IGFL2: variants seen among roughly 807,000 people sequenced by gnomAD.
The protein encoded by IGFL2 is insulin growth factor-like family member 2.
IGFL2 carries 7 observed loss-of-function variants against 13.9 expected under a neutral mutation model. That is an observed-to-expected ratio of 0.51 (90% CI 0.29 to 0.95). The LOEUF is 0.95. IGFL2 is among the 40% of genes least tolerant of loss of function. The pLI, the probability that IGFL2 is intolerant of heterozygous loss-of-function variation, is 0.08. For missense variants in IGFL2, 138 were observed against 147.8 expected, an observed-to-expected ratio of 0.93 and a Z score of 0.34; for synonymous variants, 55 against 55.8, an observed-to-expected ratio of 0.99 and a Z score of 0.07.
At chr19:46,184,864 C>G in the IGFL2 span, among the ~76,000 whole-genome samples, 1 of 152,220 alleles carries the variant, frequency 6.6e-6, no homozygotes, top group Non-Finnish European at 1.5e-5. Context: ...CTAATTTATA[C>G]TCCCACCAAC....
chr19:46,116,956 TATTAA>T, the IGFL2 span, among the ~76,000 whole-genome samples: 17 of 140,454 alleles, frequency 1.2e-4, no homozygotes, highest in African/African-American at 4.6e-4. Context: ...GTTTATCTTA[TATTAA>T]ATTAGGCAAT....
At chr19:46,172,395 T>G in the IGFL2 span, among the ~76,000 whole-genome samples, 2 of 152,182 alleles carry the variant, frequency 1.3e-5, no homozygotes, top group Admixed American at 1.3e-4. Context: ...GAATGTATAC[T>G]TCATGAAGAC....
At chr19:46,099,036 G>A in the IGFL2 span, among the ~76,000 whole-genome samples, 30 of 152,166 alleles carry the variant, frequency 2.0e-4, no homozygotes, top group African/African-American at 7.0e-4. Context: ...AATTCTCTCA[G>A]CATTTGCTTG....
the IGFL2 span, among the ~76,000 whole-genome samples, chr19:46,186,003 G>A: frequency 2.0e-5 from 3 of 152,294 alleles, no homozygotes; most frequent in East Asian, 3.9e-4. Flanking sequence ...TCTGGTGCTG[G>A]GTAGTCTTTA....
At chr19:46,175,527 G>A in the IGFL2 span, among the ~76,000 whole-genome samples, 2 of 152,110 alleles carry the variant, frequency 1.3e-5, no homozygotes, top group South Asian at 4.1e-4. Context: ...AAATGAATAA[G>A]ATAAGTAATA....
the IGFL2 span, among the ~76,000 whole-genome samples, chr19:46,131,397 T>C: frequency 1.3e-5 from 2 of 152,176 alleles, no homozygotes; most frequent in Non-Finnish European, 2.9e-5. Context: ...CTTTAAGAGC[T>C]CCCAAGTAAT....
chr19:46,098,044 G>A, the IGFL2 span, among the ~76,000 whole-genome samples: 1 of 152,176 alleles, frequency 6.6e-6, no homozygotes, highest in East Asian at 1.9e-4. Context: ...CTGAGTTCAA[G>A]TCCTGAATAC....
chr19:46,177,925 CCTTGTGT>C, the IGFL2 span, among the ~76,000 whole-genome samples: 2 of 152,146 alleles, frequency 1.3e-5, no homozygotes, highest in Non-Finnish European at 2.9e-5. Context: ...GTCAGACACC[CCTTGTGT>C]TCAATCCCTT....
the IGFL2 span, among the ~76,000 whole-genome samples, chr19:46,172,261 G>T: frequency 6.6e-6 from 1 of 152,130 alleles, no homozygotes; most frequent in Non-Finnish European, 1.5e-5. Context: ...TACACAATCG[G>T]CAGAAGAGAG....
chr19:46,105,597 T>G, the IGFL2 span, among the ~76,000 whole-genome samples: 10 of 152,086 alleles, frequency 6.6e-5, no homozygotes, highest in African/African-American at 2.4e-4. Context: ...ACAATGGTAA[T>G]CGTTGCAGAC....
the IGFL2 span, among the ~76,000 whole-genome samples, chr19:46,125,296 C>T: frequency 2.0e-5 from 3 of 152,160 alleles, no homozygotes; most frequent in African/African-American, 4.8e-5. Flanking sequence ...ATTCAGAGAC[C>T]TCCAGCATCT....
chr19:46,097,814 GT>G, the IGFL2 span, among the ~76,000 whole-genome samples: 1 of 152,180 alleles, frequency 6.6e-6, no homozygotes, highest in Non-Finnish European at 1.5e-5. Flanking sequence ...TAGTTATGTG[GT>G]TTTGAGTGAG....
chr19:46,156,259 C>A (rs2341903), intron 1 of IGFL2, among the ~76,000 whole-genome samples: 135,624 of 152,300 alleles, frequency 0.89, 60,967 homozygotes, highest in Non-Finnish European at 0.93. Flanking sequence ...AAGCATAAAC[C>A]TGGTATGTTT....
At chr19:46,199,946 G>A in the IGFL2 span, among the ~76,000 whole-genome samples, 123 of 152,086 alleles carry the variant, frequency 8.1e-4, 2 homozygotes, top group Middle Eastern at 0.017. Context: ...GCACGATCTC[G>A]GCTCACTGCA....
chr19:46,148,442 A>T, intron 1 of IGFL2, 145 bp downstream of exon 1: 1 of 757,754 alleles, frequency 1.3e-6, no homozygotes. Flanking sequence ...CTGCATTGCA[A>T]TCTCTCTTCC....
At chr19:46,198,045 G>GCCTTCCTTCCTTCCTGCCTT in the IGFL2 span, 1 of 92,372 alleles carries the variant, frequency 1.1e-5, no homozygotes, top group African/African-American at 3.9e-5. Flanking sequence ...CTTCCTTCCT[G>GCCTTCCTTCCTTCCTGCCTT]CCTTCCTTCC....
chr19:46,187,914 GCATTAACCCATTTATACCTGAGAT>G, the IGFL2 span, among the ~76,000 whole-genome samples: 1 of 150,248 alleles, frequency 6.7e-6, no homozygotes, highest in Non-Finnish European at 1.5e-5. Context: ...GAGACGGTGA[GCATTAACCCATTTATACCTGAGAT>G]CGTGTTGCTG....
At chr19:46,147,677 CTTG>C (rs1973212021), upstream of IGFL2, 3 of 152,208 alleles carry the variant, frequency 2.0e-5, no homozygotes, top group African/African-American at 4.8e-5. Context: ...GGATAAATAG[CTTG>C]TTGTAACCGT....
At chr19:46,161,907 G>A (rs758138620), downstream of IGFL2, among the ~76,000 whole-genome samples, 2 of 152,200 alleles carry the variant, frequency 1.3e-5, no homozygotes, top group Admixed American at 6.5e-5. Flanking sequence ...TTGCTTTATA[G>A]TGACACTGGT....
Sources: allele counts gnomAD v4.1 joint callset (sites outside exome capture counted in the v4.1 genomes callset), GRCh38; gene constraint gnomAD v4.1.1; transcripts MANE v1.5; gene names NCBI Gene and HGNC (gene_info 2026-07-23, HGNC 2026-07-21).